The following IL1R2 variants were observed in gnomAD, a reference collection of about 807,000 sequenced individuals.
The protein encoded by IL1R2 is interleukin 1 receptor type 2.
A neutral mutation model predicts 39.5 loss-of-function variants in IL1R2; 46 were observed. The observed-to-expected ratio is 1.16, with a 90% CI of 0.92 to 1.49. The LOEUF is 1.49. IL1R2 is among the 40% of genes most tolerant of loss of function. The pLI is 0.00. For missense variants in IL1R2, 537 were observed against 502.0 expected (o/e 1.07, Z -0.67); for synonymous variants, 207 against 189.6 (o/e 1.09, Z -0.75).
At chr2:102,024,828 A>G in intron 7 of IL1R2, 160 bp downstream of exon 7, 1 of 909,312 alleles carries the variant, frequency 1.1e-6, no homozygotes, top group Non-Finnish European at 1.6e-6. Flanking sequence ...GCTAAAAATT[A>G]TCTTGAGAAT....
chr2:102,019,273 G>A (rs1313529875), intron 4 of IL1R2, among the ~76,000 whole-genome samples: 5 of 152,136 alleles, frequency 3.3e-5, no homozygotes, highest in Non-Finnish European at 7.4e-5. Flanking sequence ...TCATCATGAC[G>A]ATTTATAGTG....
At chr2:102,027,331 G>A (rs937839999) in intron 8 of IL1R2, among the ~76,000 whole-genome samples, 2 of 152,122 alleles carry the variant, frequency 1.3e-5, no homozygotes, top group Non-Finnish European at 2.9e-5. Flanking sequence ...GTTCCCTCTC[G>A]GGGTCAGATT....
chr2:102,021,628 C>T (rs552660944), intron 5 of IL1R2, among the ~76,000 whole-genome samples: 2 of 152,306 alleles, frequency 1.3e-5, no homozygotes, highest in Non-Finnish European at 2.9e-5. Flanking sequence ...CCTTTCTTTA[C>T]GTTGGCTCTA....
At chr2:102,006,641 C>T (rs921335211) in intron 1 of IL1R2, among the ~76,000 whole-genome samples, 5 of 152,290 alleles carry the variant, frequency 3.3e-5, no homozygotes, top group African/African-American at 7.2e-5. Flanking sequence ...CAACTCCTGC[C>T]GTGGGCAGGC....
chr2:102,027,701 A>G (rs1339965042), intron 8 of IL1R2, among the ~76,000 whole-genome samples: 1 of 152,104 alleles, frequency 6.6e-6, no homozygotes, highest in Non-Finnish European at 1.5e-5. Context: ...TTGCTTTTTA[A>G]CTTTTTATTC....
chr2:102,009,865 C>T lies in IL1R2; in HGVS notation c.332+39C>T, dbSNP rs769467215. The stretch of plus-strand genomic sequence containing the variant: ...TGCGGGGCTGGGGAGGGGATCCTGG[C>T]AGGATGGAGGCTTGTGAGGGTCTTC... On this transcript the variant is annotated intron_variant, in intron 3 of 8. Coordinates refer to ENST00000332549, the MANE Select transcript of IL1R2 (RefSeq NM_004633.4). The T allele has an allele frequency of 1.1e-5, 17 of 1,603,196 alleles. No individual in the cohort carries two copies. In the South Asian group the frequency reaches 1.8e-4, roughly 17 times the overall value.
At chr2:102,017,558 C>T (rs900244863) in intron 4 of IL1R2, among the ~76,000 whole-genome samples, 7 of 152,014 alleles carry the variant, frequency 4.6e-5, no homozygotes, top group Non-Finnish European at 1.0e-4. Context: ...TTATGTAGAC[C>T]GGGGTTGGAA....
chr2:101,993,687 A>C, intron 1 of IL1R2, among the ~76,000 whole-genome samples: 1 of 151,838 alleles, frequency 6.6e-6, no homozygotes, highest in East Asian at 1.9e-4. Flanking sequence ...AAATCATGGC[A>C]CACAGTTTGC....
intron 1 of IL1R2, among the ~76,000 whole-genome samples, chr2:101,999,813 T>C (rs866755058): frequency 2.6e-5 from 4 of 152,244 alleles, no homozygotes; most frequent in African/African-American, 9.6e-5. Context: ...CTTGAAGATG[T>C]ATACGTGTGT....
intron 3 of IL1R2, chr2:102,010,100 G>C: frequency 2.2e-6 from 1 of 454,442 alleles, no homozygotes; most frequent in Non-Finnish European, 4.0e-6. Context: ...TTACCCTGCT[G>C]TAGTTTCCTT....
At chr2:102,024,508 A>T (rs1262340168) in intron 6 of IL1R2, 25 bp from the exon 7 acceptor site, 2 of 1,581,306 alleles carry the variant, frequency 1.3e-6, no homozygotes, top group South Asian at 2.2e-5. Context: ...TCTGCAGTTG[A>T]CGTGCTGTGC....
chr2:102,023,986 T>G (rs961517538), intron 6 of IL1R2, among the ~76,000 whole-genome samples: 1 of 150,316 alleles, frequency 6.7e-6, no homozygotes, highest in African/African-American at 2.5e-5. Context: ...GAGGCGGAGC[T>G]TGCAGTGAGC....
At chr2:101,993,580 TTCTC>T (rs753275688) in intron 1 of IL1R2, among the ~76,000 whole-genome samples, 2 of 151,088 alleles carry the variant, frequency 1.3e-5, no homozygotes, top group East Asian at 3.9e-4. Context: ...GTCTGCCTGT[TTCTC>T]TCTCTCTCTC....
At chr2:102,008,689 G>C (rs763754545) in intron 2 of IL1R2, 47 bp downstream of exon 2, 1 of 1,487,652 alleles carries the variant, frequency 6.7e-7, no homozygotes, top group Admixed American at 1.7e-5. Context: ...CTGTAGCTTC[G>C]CTGGGGAAAG....
chr2:101,998,090 C>T (rs1675678288), intron 1 of IL1R2, among the ~76,000 whole-genome samples: 1 of 152,130 alleles, frequency 6.6e-6, no homozygotes, highest in Non-Finnish European at 1.5e-5. Flanking sequence ...GAGGTAATTG[C>T]AATATTACCT....
At chr2:102,019,879 C>T (rs143986362) in intron 5 of IL1R2, 67 bp downstream of exon 5, 41 of 1,362,746 alleles carry the variant, frequency 3.0e-5, no homozygotes, top group African/African-American at 1.9e-4. Context: ...GAACAAATGA[C>T]GGTGCACGTA....
intron 7 of IL1R2, among the ~76,000 whole-genome samples, chr2:102,025,032 C>T (rs1014335704): frequency 6.6e-6 from 1 of 152,102 alleles, no homozygotes; most frequent in Non-Finnish European, 1.5e-5. Context: ...TTAAAAAGAC[C>T]CTGAGACCTA....
At chr2:102,011,308 A>C (rs1354518552) in intron 3 of IL1R2, among the ~76,000 whole-genome samples, 1 of 152,244 alleles carries the variant, frequency 6.6e-6, no homozygotes, top group Non-Finnish European at 1.5e-5. Context: ...TTGAGGAACT[A>C]TCATACTGTT....
intron 6 of IL1R2, 74 bp from the exon 7 acceptor site, chr2:102,024,459 C>G: frequency 9.4e-7 from 1 of 1,067,258 alleles, no homozygotes; most frequent in Non-Finnish European, 1.5e-6. Flanking sequence ...CGAGGAGGGA[C>G]TCAGGGCTCA....
Sources: allele counts gnomAD v4.1 joint callset (sites outside exome capture counted in the v4.1 genomes callset), GRCh38; gene constraint gnomAD v4.1.1; transcripts MANE v1.5; gene names NCBI Gene and HGNC (gene_info 2026-07-23, HGNC 2026-07-21).